Variants in MAPT observed in about 807,000 individuals in gnomAD.
MAPT encodes microtubule associated protein tau.
MAPT carries 34 observed loss-of-function variants against 67.9 expected under a neutral mutation model. The ratio of observed to expected loss-of-function variants is 0.50; its 90% CI spans 0.38 to 0.67. The LOEUF is 0.67. Among genes scored for constraint, MAPT ranks in the 30% least tolerant of loss-of-function variants. MAPT has a pLI of 0.00. For synonymous variants in MAPT, 456 were observed against 464.5 expected (o/e 0.98, Z 0.23); for missense variants, 881 against 1,115.2 (o/e 0.79, Z 2.99).
At chr17:45,934,377 G>A (rs2067130933) in intron 1 of MAPT, among the ~76,000 whole-genome samples, 1 of 152,120 alleles carries the variant, frequency 6.6e-6, no homozygotes, top group African/African-American at 2.4e-5. Flanking sequence ...TCAATCATTA[G>A]CAGTCATTAG....
At chr17:45,992,335 C>T (rs2074125800) in intron 8 of MAPT, among the ~76,000 whole-genome samples, 1 of 152,128 alleles carries the variant, frequency 6.6e-6, no homozygotes, top group Non-Finnish European at 1.5e-5. Flanking sequence ...TTTCAGTCCC[C>T]AAATGAGACT....
chr17:45,983,075 G>A lies in MAPT; in HGVS notation c.496G>A (p.Gly166Ser), dbSNP rs1454352266. Residue 166 changes from glycine to serine, a missense_variant, in exon 5 of 13, where the codon GGC becomes AGC. Coordinates refer to ENST00000262410, the MANE Select transcript of MAPT (RefSeq NM_001377265.1). ...PVCPAPPPTG[G>S]PQEPSLEWGQ... ...TTGCCCAGCGCCTCCTCCAACAGGA[G>A]GCCCTCAGGAGCCCTCCCTGGAGTG... 2.0e-6 allele frequency: 3 copies of A among 1,536,372 alleles called. No homozygotes were observed. Among genetic ancestry groups the A allele is most frequent in the Admixed American group, 4.0e-5 (2 of 50,052 alleles).
At chr17:45,993,823 C>A in intron 8 of MAPT, 1 of 1,241,478 alleles carries the variant, frequency 8.1e-7, no homozygotes, top group Non-Finnish European at 1.2e-6. Context: ...CAGAATGGGG[C>A]CCCTGCTGGG....
At chr17:46,013,211 C>T (rs1452941043) in intron 10 of MAPT, among the ~76,000 whole-genome samples, 5 of 152,148 alleles carry the variant, frequency 3.3e-5, no homozygotes, top group African/African-American at 1.2e-4. Context: ...GAGGTGGCTG[C>T]CCCCTTGCAC....
At chr17:46,008,156 G>A (rs2075575846) in intron 9 of MAPT, among the ~76,000 whole-genome samples, 1 of 152,166 alleles carries the variant, frequency 6.6e-6, no homozygotes, top group South Asian at 2.1e-4. Flanking sequence ...GAGTTCAGTG[G>A]CGCCATCTCA....
At position 46,014,273 on chromosome 17, in the gene MAPT, A is replaced by C; in HGVS notation, c.2122A>C (p.Ser708Arg). ...VQIVYKPVDL[S>R]KVTSKCGSLG... ...AATAGTCTACAAACCAGTTGACCTGAGCAAGGTGACCTCCAAGTGTGGCTC... is the reference window on the plus strand; with the variant it reads ...AATAGTCTACAAACCAGTTGACCTGCGCAAGGTGACCTCCAAGTGTGGCTC... Residue 708 changes from serine to arginine, a missense_variant, in exon 11 of 13, where the codon AGC becomes CGC. Around this residue, in one of 6 missense-constraint regions of MAPT, gnomAD observed 3 missense variants for 27.8 expected, o/e 0.11. Coordinates refer to ENST00000262410, the MANE Select transcript of MAPT (RefSeq NM_001377265.1). The C allele has an allele frequency of 6.2e-7, 1 of 1,613,960 alleles. No homozygotes were observed. Among genetic ancestry groups the C allele is most frequent in the Non-Finnish European group, 8.5e-7 (1 of 1,179,876 alleles).
At chr17:45,956,581 TATATATATATATATATA>T (rs2069715583) in intron 1 of MAPT, among the ~76,000 whole-genome samples, 6 of 25,820 alleles carry the variant, frequency 2.3e-4, no homozygotes, top group African/African-American at 6.0e-4. Flanking sequence ...TATATATATA[TATATATATATATATATA>T]TATTTTTTAT....
intron 12 of MAPT, among the ~76,000 whole-genome samples, chr17:46,020,071 A>G (rs1487032891): frequency 6.6e-6 from 1 of 152,022 alleles, no homozygotes; most frequent in East Asian, 1.9e-4. Flanking sequence ...GCAGGCAACT[A>G]AAAAAGGAAG....
intron 9 of MAPT, among the ~76,000 whole-genome samples, chr17:46,000,150 A>G (rs2074876323): frequency 6.6e-6 from 1 of 152,210 alleles, no homozygotes; most frequent in East Asian, 1.9e-4. Flanking sequence ...CCGTGCCGGA[A>G]CAGATGCTAA....
At chr17:45,958,258 A>G (rs2069959476) in intron 1 of MAPT, among the ~76,000 whole-genome samples, 1 of 152,230 alleles carries the variant, frequency 6.6e-6, no homozygotes. Context: ...AGATTTGACT[A>G]TATAAAACTT....
At chr17:45,943,762 T>TTCC (rs1336404753) in intron 1 of MAPT, among the ~76,000 whole-genome samples, 1 of 152,210 alleles carries the variant, frequency 6.6e-6, no homozygotes, top group Non-Finnish European at 1.5e-5. Flanking sequence ...CTTCCTTGTC[T>TTCC]TCCCTGTGCT....
chr17:45,978,269 T>C (rs758879845), intron 3 of MAPT, 106 bp from the exon 4 acceptor site: 10 of 887,332 alleles, frequency 1.1e-5, no homozygotes, highest in Non-Finnish European at 1.7e-5. Flanking sequence ...GATGTGACTT[T>C]CCTGAATGTT....
intron 5 of MAPT, 118 bp from the exon 6 acceptor site, chr17:45,986,922 C>T (rs1355855303): frequency 7.1e-6 from 6 of 848,536 alleles, no homozygotes; most frequent in African/African-American, 3.4e-5. Flanking sequence ...TGGGTTTCCA[C>T]CAGACCCAAC....
chr17:45,899,942 A>G lies in MAPT; in HGVS notation c.-18+5256A>G, dbSNP rs117220335. Among the ~76,000 whole-genome samples, 61 of 152,274 alleles carry G rather than the reference A, an allele frequency of 4.0e-4. No homozygotes were observed. The East Asian group carries it at 9.4e-3, about 24-fold the overall frequency. On this transcript the variant is annotated intron_variant, in intron 1 of 12. Transcript: ENST00000262410. ...TTGATTGACCCAGGGAAGGCTGGAA[A>G]TCAAGACTGGGGGATCAAGACGTAG...
At chr17:45,928,002 GAAAAAAAA>G (rs35954789) in intron 1 of MAPT, among the ~76,000 whole-genome samples, 4 of 55,188 alleles carry the variant, frequency 7.2e-5, no homozygotes, top group South Asian at 8.1e-4. Context: ...TCCGTCTCAG[GAAAAAAAA>G]AAAAAAAAAA....
In MAPT at chr17:45,906,297, T is replaced by C. The variant is rs1167962271; in HGVS notation, c.-18+11611T>C. 6.6e-6 allele frequency among the ~76,000 whole-genome samples: 1 copy of C among 152,146 alleles called. No individual in the cohort carries two copies. The highest frequency in any genetic ancestry group is 1.5e-5 in the Non-Finnish European group (1 of 68,030). ...TTCTGTTTTTTCTGGAGTTTTCAGT[T>C]TTTTCCTAACCAGACAGGGACTTGG... On this transcript the variant is annotated intron_variant, in intron 1 of 12. Transcript: ENST00000262410. The surrounding 1 kb of genome is among the most constrained non-coding windows in gnomAD (Gnocchi z 4.3).
chr17:45,904,314 CATATATAATATATATTATATATTATAT>C (rs1340561978), intron 1 of MAPT, among the ~76,000 whole-genome samples: 11 of 30,662 alleles, frequency 3.6e-4, no homozygotes, highest in African/African-American at 8.8e-4. Context: ...TATATAAAAA[CATATATAATATATATTATATATTATAT>C]ATATATTATA....
intron 1 of MAPT, among the ~76,000 whole-genome samples, chr17:45,958,387 T>C (rs142933364): frequency 4.6e-5 from 7 of 152,118 alleles, no homozygotes; most frequent in Admixed American, 2.0e-4. Flanking sequence ...CCCACACAAG[T>C]CATTAGAATA....
At chr17:46,022,524 T>A (rs890656723) in intron 12 of MAPT, among the ~76,000 whole-genome samples, 1 of 152,112 alleles carries the variant, frequency 6.6e-6, no homozygotes, top group African/African-American at 2.4e-5. Context: ...CCCGCATCCA[T>A]GGACTCCTAA....
Sources: allele counts gnomAD v4.1 joint callset (sites outside exome capture counted in the v4.1 genomes callset), GRCh38; gene constraint gnomAD v4.1.1; regional missense constraint gnomAD v4.1.1; non-coding constraint Gnocchi (gnomAD v3.1); transcripts MANE v1.5; gene names NCBI Gene and HGNC (gene_info 2026-07-23, HGNC 2026-07-21).